BRSK2: variants seen among roughly 807,000 people sequenced by gnomAD.
BRSK2 encodes serine/threonine-protein kinase BRSK2.
A neutral mutation model predicts 83.3 loss-of-function variants in BRSK2; 19 were observed. The observed-to-expected ratio is 0.23, with a 90% CI of 0.16 to 0.33. BRSK2 has a LOEUF of 0.33. Among genes scored for constraint, BRSK2 ranks in the 10% least tolerant of loss-of-function variants. The pLI is 1.00. For synonymous variants in BRSK2, 519 were observed against 435.4 expected (o/e 1.19, Z -2.39); for missense variants, 798 against 1,042.3 (o/e 0.77, Z 3.23).
rs1271239676 is a variant in BRSK2 at position 1,460,793 on chromosome 11, CG to C, written c.*71del. On this transcript the variant is annotated 3_prime_UTR_variant, in exon 20 of 20. Coordinates refer to ENST00000528841, the MANE Select transcript of BRSK2 (RefSeq NM_001256627.2). The stretch of plus-strand genomic sequence containing the variant: ...TCGCCGCCCGCCGCCCGCCCTGCCC[CG>C]AGTGGACCCGCGGCCGCGCCGCCCG... 7 of 1,468,346 alleles carry C rather than the reference CG, an allele frequency of 4.8e-6. No homozygotes were observed. Among genetic ancestry groups the C allele is most frequent in the Non-Finnish European group, 4.5e-6 (5 of 1,119,504 alleles). 91.0% of individuals were successfully genotyped at this position (1,468,346 alleles called of 1,614,324 possible). A position where few individuals can be genotyped will look rare whatever the true frequency, so the allele number is the denominator to read the frequency against.
chr11:1,422,194 G>GTC (rs960530470), intron 1 of BRSK2, among the ~76,000 whole-genome samples: 2 of 152,178 alleles, frequency 1.3e-5, no homozygotes, highest in African/African-American at 4.8e-5. Flanking sequence ...GATGATCAGG[G>GTC]GTGAGCCAAG....
Position 1,461,324 on chromosome 11 carries a change from T to G in BRSK2, c.*601T>G. The G allele has an allele frequency of 5.2e-6, 2 of 384,496 alleles. No individual in the cohort carries two copies. The highest frequency in any genetic ancestry group is 9.4e-6 in the Non-Finnish European group (2 of 212,518). The allele number at this position is 384,496 out of a possible 1,614,324, so 23.8% of individuals were successfully genotyped here. A position where few individuals can be genotyped will look rare whatever the true frequency, so the allele number is the denominator to read the frequency against. On this transcript the variant is annotated 3_prime_UTR_variant, in exon 20 of 20. Coordinates refer to ENST00000528841, the MANE Select transcript of BRSK2 (RefSeq NM_001256627.2). Reference sequence around the variant, plus strand: ...CTCCACGCCGCACCTGGAGGCCTCCTCGCAGGCCCGTGCCCCGCCTCCCTG... The same window carrying G: ...CTCCACGCCGCACCTGGAGGCCTCCGCGCAGGCCCGTGCCCCGCCTCCCTG...
intron 1 of BRSK2, among the ~76,000 whole-genome samples, chr11:1,406,305 T>TACAAA (rs1485333826): frequency 1.3e-5 from 2 of 152,026 alleles, no homozygotes; most frequent in Non-Finnish European, 2.9e-5. Flanking sequence ...CTACTAAAAA[T>TACAAA]ACAAAACAAA....
intron 16 of BRSK2, among the ~76,000 whole-genome samples, chr11:1,455,793 G>T (rs764765423): frequency 6.6e-5 from 10 of 152,072 alleles, no homozygotes; most frequent in African/African-American, 1.2e-4. Flanking sequence ...GCCAGCCTGG[G>T]CCCTGTGCGC....
chr11:1,453,578 G>A (rs957676591), intron 15 of BRSK2, among the ~76,000 whole-genome samples: 1 of 152,218 alleles, frequency 6.6e-6, no homozygotes, highest in African/African-American at 2.4e-5. Context: ...TCGAGGGGCT[G>A]AGTGAGGGTT....
intron 18 of BRSK2, among the ~76,000 whole-genome samples, chr11:1,458,577 G>A (rs1411961522): frequency 6.6e-6 from 1 of 152,174 alleles, no homozygotes; most frequent in Non-Finnish European, 1.5e-5. Flanking sequence ...GACTGCGGCC[G>A]AGGGAGGGGA....
chr11:1,435,942 C>A, intron 1 of BRSK2, 98 bp from the exon 2 acceptor site: 1 of 890,176 alleles, frequency 1.1e-6, no homozygotes, highest in Non-Finnish European at 1.7e-6. Flanking sequence ...CCCCTGCTGT[C>A]CAGGACGTGG....
chr11:1,441,987 TC>T (rs201756366), intron 4 of BRSK2, among the ~76,000 whole-genome samples: 566 of 54,234 alleles, frequency 0.01, 7 homozygotes, highest in Non-Finnish European at 0.015. Flanking sequence ...AAGTGCACTG[TC>T]CCCCCCACCC....
intron 1 of BRSK2, chr11:1,411,329 C>A: frequency 1.5e-6 from 2 of 1,367,384 alleles, no homozygotes; most frequent in Non-Finnish European, 1.9e-6. Context: ...AAGCTGGGGC[C>A]GGAGCAGGGG....
At chr11:1,443,014 C>A in intron 5 of BRSK2, 92 bp from the exon 6 acceptor site, 1 of 1,395,520 alleles carries the variant, frequency 7.2e-7, no homozygotes, top group Non-Finnish European at 9.5e-7. Context: ...GCCCTGGAGG[C>A]CTCCTTGAGG....
At chr11:1,410,160 G>A (rs1314125871) in intron 1 of BRSK2, among the ~76,000 whole-genome samples, 3 of 53,956 alleles carry the variant, frequency 5.6e-5, no homozygotes, top group Non-Finnish European at 1.0e-4. Context: ...TGACGAGTTC[G>A]TGTTTGGGGG....
chr11:1,426,274 G>A (rs904872836), intron 1 of BRSK2, among the ~76,000 whole-genome samples: 1 of 150,620 alleles, frequency 6.6e-6, no homozygotes, highest in Middle Eastern at 3.4e-3. Context: ...CCGGGGATGT[G>A]TGTGGGGCGT....
intron 9 of BRSK2, 123 bp downstream of exon 9, chr11:1,445,125 G>T: frequency 2.7e-6 from 4 of 1,495,570 alleles, no homozygotes; most frequent in Non-Finnish European, 3.7e-6. Flanking sequence ...TTGGCCCTCC[G>T]TGGCCTGCGC....
At chr11:1,403,568 G>A (rs1223143890) in intron 1 of BRSK2, among the ~76,000 whole-genome samples, 5 of 152,232 alleles carry the variant, frequency 3.3e-5, no homozygotes, top group African/African-American at 1.2e-4. Context: ...GGAGCTGGCT[G>A]TTTGGTGTGA....
chr11:1,456,270 C>T (rs150370436), intron 16 of BRSK2, 78 bp from the exon 17 acceptor site: 117 of 1,393,380 alleles, frequency 8.4e-5, no homozygotes, highest in East Asian at 3.5e-4. Context: ...GGGGCTGGCT[C>T]GCCCCAGGGC....
At chr11:1,421,525 C>T (rs976130041) in intron 1 of BRSK2, among the ~76,000 whole-genome samples, 5 of 152,172 alleles carry the variant, frequency 3.3e-5, no homozygotes, top group Admixed American at 1.3e-4. Context: ...CAGGGTGGCA[C>T]GAATTTAACT....
In BRSK2 at chr11:1,445,805, A is replaced by G; in HGVS notation, c.1124A>G (p.Lys375Arg). ...VDSPMLNRHG[K>R]RRPERKSMEV... ...TCCCCGATGCTGAACCGGCACGGCA[A>G]GCGGCGGCCAGAACGCAAATCCATG... is the stretch of plus-strand genomic sequence containing the variant. Residue 375 changes from lysine to arginine, a missense_variant, in exon 12 of 20, where the codon AAG becomes AGG. Physicochemically the swap from Lys to Arg is conservative, Grantham distance 26 (BLOSUM62 2). Around this residue, in one of 6 missense-constraint regions of BRSK2, gnomAD observed 51 missense variants for 52.6 expected, o/e 0.97. Coordinates refer to ENST00000528841, the MANE Select transcript of BRSK2 (RefSeq NM_001256627.2). The G allele has an allele frequency of 1.9e-6, 3 of 1,612,450 alleles. No individual in the cohort carries two copies. Among genetic ancestry groups the G allele is most frequent in the Non-Finnish European group, 2.5e-6 (3 of 1,179,696 alleles).
chr11:1,424,396 G>A (rs991571382), intron 1 of BRSK2, among the ~76,000 whole-genome samples: 1 of 152,220 alleles, frequency 6.6e-6, no homozygotes, highest in Non-Finnish European at 1.5e-5. Context: ...GTGGGGACAA[G>A]GTGTCCTGCC....
At chr11:1,391,595 A>G (rs1168917704) in intron 1 of BRSK2, among the ~76,000 whole-genome samples, 1 of 152,174 alleles carries the variant, frequency 6.6e-6, no homozygotes, top group African/African-American at 2.4e-5. Context: ...ACGGCACGGA[A>G]GGGCCCCTGG....
Sources: allele counts gnomAD v4.1 joint callset (sites outside exome capture counted in the v4.1 genomes callset), GRCh38; gene constraint gnomAD v4.1.1; regional missense constraint gnomAD v4.1.1; transcripts MANE v1.5; gene names NCBI Gene and HGNC (gene_info 2026-07-23, HGNC 2026-07-21).